The following NAA35 variants were observed in gnomAD, a reference collection of about 807,000 sequenced individuals.
NAA35 encodes the protein MAK10 homolog, amino-acid N-acetyltransferase subunit.
In NAA35, 18 loss-of-function variants were observed where a neutral mutation model predicts 101.7. That is an observed-to-expected ratio of 0.18 (90% CI 0.12 to 0.26). NAA35 has a LOEUF of 0.26. Ranked by LOEUF, NAA35 falls within the 10% of genes least tolerant of loss-of-function variation. NAA35 has a pLI of 1.00. For synonymous variants in NAA35, 267 were observed against 273.1 expected (o/e 0.98, Z 0.22); for missense variants, 601 against 886.8 (o/e 0.68, Z 4.09).
At chr9:85,998,165 T>C in intron 12 of NAA35, among the ~76,000 whole-genome samples, 1 of 152,104 alleles carries the variant, frequency 6.6e-6, no homozygotes, top group Non-Finnish European at 1.5e-5. Flanking sequence ...CCACCCACCT[T>C]GGCCTCCGAA....
At chr9:85,995,937 G>T (rs1414179241) in intron 11 of NAA35, among the ~76,000 whole-genome samples, 2 of 152,164 alleles carry the variant, frequency 1.3e-5, no homozygotes, top group African/African-American at 4.8e-5. Flanking sequence ...GTGCTGCTCT[G>T]CTCTGCTATT....
At chr9:85,963,620 G>T (rs747479335) in intron 6 of NAA35, among the ~76,000 whole-genome samples, 1 of 151,800 alleles carries the variant, frequency 6.6e-6, no homozygotes, top group Non-Finnish European at 1.5e-5. Flanking sequence ...TACAGTTGGT[G>T]GTTATTTACA....
chr9:85,987,840 G>A (rs184051489), intron 11 of NAA35, among the ~76,000 whole-genome samples: 1 of 152,344 alleles, frequency 6.6e-6, no homozygotes, highest in African/African-American at 2.4e-5. Context: ...AAAGGACAGT[G>A]TTCTCACAAG....
At chr9:86,000,601 T>A (rs1339185696) in intron 12 of NAA35, among the ~76,000 whole-genome samples, 1 of 152,064 alleles carries the variant, frequency 6.6e-6, no homozygotes, top group Non-Finnish European at 1.5e-5. Flanking sequence ...GTTCAGGGAA[T>A]CAGTTTCTTC....
At chr9:85,941,659 C>T (rs928743669) in intron 1 of NAA35, 200 of 986,276 alleles carry the variant, frequency 2.0e-4, no homozygotes, top group Non-Finnish European at 2.3e-4. Context: ...CTGCCGGCTC[C>T]TCATTGCTCC....
At chr9:85,976,967 A>G (rs879851669) in intron 9 of NAA35, among the ~76,000 whole-genome samples, 6 of 152,148 alleles carry the variant, frequency 3.9e-5, no homozygotes, top group Non-Finnish European at 8.8e-5. Flanking sequence ...AGGAAGAAAA[A>G]TACGATCTTT....
In NAA35 at chr9:85,996,415, G is replaced by A. The variant is rs748991357; in HGVS notation, c.894G>A (p.Met298Ile). Residue 298 changes from methionine (M) to isoleucine (I), a missense_variant, in exon 12 of 23, where the codon ATG (methionine) becomes ATA (isoleucine). By Grantham distance (10) the Met-to-Ile change is conservative. Coordinates refer to ENST00000361671, the MANE Select transcript of NAA35 (RefSeq NM_024635.4). ...DTTKGDHPIM[M>I]GFEPLVNQRL... ...TCTTTTTAGATCATCCAATTATGATGGGTTTTGAACCCCTTGTGAACCAGA... is the reference window on the plus strand; with the variant it reads ...TCTTTTTAGATCATCCAATTATGATAGGTTTTGAACCCCTTGTGAACCAGA... 2 of 1,575,928 alleles carry A rather than the reference G, an allele frequency of 1.3e-6. No individual in the cohort carries two copies. The highest frequency in any genetic ancestry group is 1.7e-6 in the Non-Finnish European group (2 of 1,169,334).
chr9:86,014,413 G>A lies in NAA35; in HGVS notation c.1568+516G>A, dbSNP rs895161793. 6 of 947,460 alleles carry A rather than the reference G, an allele frequency of 6.3e-6. No homozygotes were observed. The African/African-American group carries it at 8.9e-5, about 14-fold the overall frequency. 58.7% of individuals were successfully genotyped at this position (947,460 alleles called of 1,614,324 possible). The stretch of plus-strand genomic sequence containing the variant: ...TTCACTTGCGGACAAAATAAACCTA[G>A]TAAGAGGATGTTTGGAAAAGAGGAT... On this transcript the variant is annotated intron_variant, in intron 17 of 22. Transcript: ENST00000361671.
At chr9:85,957,765 G>A (rs1159796065) in intron 3 of NAA35, among the ~76,000 whole-genome samples, 2 of 152,126 alleles carry the variant, frequency 1.3e-5, no homozygotes, top group African/African-American at 4.8e-5. Context: ...TTAGTAAGTA[G>A]ACAAGATTGG....
chr9:86,023,276 G>C lies in NAA35; in HGVS notation c.*1316G>C, dbSNP rs1443218084. ...TATTTTTTAAGTAGCCTGTACAATAGAAACTTCAATTATGGAGAGACAAAG... is the reference window on the plus strand; with the variant it reads ...TATTTTTTAAGTAGCCTGTACAATACAAACTTCAATTATGGAGAGACAAAG... On this transcript the variant is annotated 3_prime_UTR_variant, in exon 23 of 23. Transcript: ENST00000361671. Among the ~76,000 whole-genome samples, 3 of 152,080 alleles carry C rather than the reference G, an allele frequency of 2.0e-5. No homozygotes were observed. Among genetic ancestry groups the C allele is most frequent in the Non-Finnish European group, 4.4e-5 (3 of 68,014 alleles).
Position 86,018,816 on chromosome 9 carries a change from C to A in NAA35, c.2032C>A (p.His678Asn), listed in dbSNP as rs749574848. 2.5e-6 allele frequency: 4 copies of A among 1,613,214 alleles called. No homozygotes were observed. The African/African-American group carries it at 5.3e-5, about 22-fold the overall frequency. Residue 678 changes from histidine to asparagine, a missense_variant, in exon 21 of 23, where the codon CAT becomes AAT. His to Asn is a moderately conservative substitution (Grantham distance 68, BLOSUM62 1). Around this residue, in one of 8 missense-constraint regions of NAA35, gnomAD observed 90 missense variants for 108.7 expected, o/e 0.83. Coordinates refer to ENST00000361671, the MANE Select transcript of NAA35 (RefSeq NM_024635.4). The stretch of plus-strand genomic sequence containing the variant: ...ATTGGAAAATATTCCTAACCCGGAC[C>A]ATGAGGTGAGACTGGATTCACAGTA... ...MILENIPNPD[H>N]EVNRILKVAK...
chr9:85,945,266 C>T (rs1209981375), intron 2 of NAA35, among the ~76,000 whole-genome samples: 4 of 151,926 alleles, frequency 2.6e-5, no homozygotes, highest in Non-Finnish European at 5.9e-5. Context: ...GTGAGGTATC[C>T]TTCTTGGAAC....
chr9:86,007,589 A>G (rs910974961), intron 14 of NAA35, 125 bp downstream of exon 14: 1 of 619,184 alleles, frequency 1.6e-6, no homozygotes, highest in South Asian at 2.2e-5. Flanking sequence ...AAGTAACTTA[A>G]TAGTGTTAAA....
At chr9:85,966,942 A>G (rs1829767286) in intron 6 of NAA35, among the ~76,000 whole-genome samples, 1 of 152,208 alleles carries the variant, frequency 6.6e-6, no homozygotes, top group South Asian at 2.1e-4. Flanking sequence ...CCCCGTCTCT[A>G]CTGAAAATAC....
chr9:85,966,662 TGGAA>T, intron 6 of NAA35: 2 of 1,293,876 alleles, frequency 1.5e-6, no homozygotes, highest in Non-Finnish European at 2.0e-6. Flanking sequence ...TGTTCAATGT[TGGAA>T]GGAATGCAGT....
Position 86,007,498 on chromosome 9 carries a change from A to G in NAA35, c.1223+34A>G, listed in dbSNP as rs768611002. On this transcript the variant is annotated intron_variant, in intron 14 of 22. Coordinates refer to ENST00000361671, the MANE Select transcript of NAA35 (RefSeq NM_024635.4). Reference sequence around the variant, plus strand: ...TGTAAGACATTTTAGAGTTGTATGTATGTGCTCCTTTAAAAGCCCAACTTC... The same window carrying G: ...TGTAAGACATTTTAGAGTTGTATGTGTGTGCTCCTTTAAAAGCCCAACTTC... The G allele has an allele frequency of 1.9e-6, 3 of 1,540,608 alleles. 1 individual carries two copies. Among genetic ancestry groups the G allele is most frequent in the Middle Eastern group, 3.4e-4 (2 of 5,936 alleles).
chr9:85,966,422 A>G (rs1829745192), intron 6 of NAA35, among the ~76,000 whole-genome samples: 1 of 152,260 alleles, frequency 6.6e-6, no homozygotes, highest in Non-Finnish European at 1.5e-5. Context: ...ACTCAGGCCC[A>G]AATGAATAAA....
At chr9:85,950,728 C>T (rs2118286190) in intron 2 of NAA35, among the ~76,000 whole-genome samples, 1 of 152,294 alleles carries the variant, frequency 6.6e-6, no homozygotes, top group East Asian at 1.9e-4. Context: ...AGTTTCCAAA[C>T]TTTTCGGTCT....
chr9:85,979,616 A>G (rs192672414), intron 11 of NAA35, among the ~76,000 whole-genome samples: 1 of 152,290 alleles, frequency 6.6e-6, no homozygotes, highest in East Asian at 1.9e-4. Flanking sequence ...TGGGGAGGAA[A>G]GTCTTTGAAG....
Sources: gnomAD v4.1 joint callset for allele counts (sites outside exome capture counted in the v4.1 genomes callset) on GRCh38, gnomAD v4.1.1 for gene constraint, gnomAD v4.1.1 regional missense constraint, MANE v1.5 for transcripts, NCBI Gene and HGNC (gene_info 2026-07-23, HGNC 2026-07-21) for gene names.